Variants in MNDA observed in about 807,000 individuals in gnomAD.
MNDA encodes myeloid cell nuclear differentiation antigen.
Under a neutral mutation model 37.8 loss-of-function variants are expected in MNDA, and 43 were observed. The ratio of observed to expected loss-of-function variants is 1.14; its 90% CI spans 0.89 to 1.47. MNDA has a LOEUF of 1.47. Ranked by LOEUF, MNDA falls within the 40% of genes most tolerant of loss-of-function variation. The pLI is 0.00. For synonymous variants in MNDA, 181 were observed against 169.0 expected (o/e 1.07, Z -0.55); for missense variants, 536 against 476.0 (o/e 1.13, Z -1.17).
At chr1:158,844,166 T>C (rs779895043) in intron 4 of MNDA, 44 bp downstream of exon 4, 3 of 1,439,824 alleles carry the variant, frequency 2.1e-6, no homozygotes, top group Non-Finnish European at 2.8e-6. Context: ...TTTAACCCAG[T>C]CACAGTGCAT....
intron 1 of MNDA, among the ~76,000 whole-genome samples, chr1:158,840,967 C>T (rs1263665265): frequency 6.6e-6 from 1 of 152,016 alleles, no homozygotes; most frequent in African/African-American, 2.4e-5. Context: ...AAAGGAATAC[C>T]TATAAATTTA....
At chr1:158,833,464 G>T (rs76012885) in intron 1 of MNDA, among the ~76,000 whole-genome samples, 1 of 152,130 alleles carries the variant, frequency 6.6e-6, no homozygotes, top group Non-Finnish European at 1.5e-5. Context: ...AACTCTAACC[G>T]TTAACCAACA....
In MNDA at chr1:158,844,008, C is replaced by T. The variant is rs1430795105; in HGVS notation, c.456C>T (p.Ser152=). ...EKTEAKRNKV[S]QEQSKPPGPS... ...CTGAAGCCAAAAGGAATAAGGTGTC[C>T]CAAGAGCAGAGTAAGCCCCCAGGTC... Residue 152 remains serine, a synonymous_variant, in exon 4 of 7, where the codon TCC becomes TCT. Coordinates refer to ENST00000368141, the MANE Select transcript of MNDA (RefSeq NM_002432.3). The T allele has an allele frequency of 1.2e-6, 2 of 1,613,196 alleles. No homozygotes were observed. The highest frequency in any genetic ancestry group is 8.5e-7 in the Non-Finnish European group (1 of 1,179,722).
At chr1:158,832,513 G>T (rs1571648637) in intron 1 of MNDA, among the ~76,000 whole-genome samples, 1 of 151,462 alleles carries the variant, frequency 6.6e-6, no homozygotes, top group South Asian at 2.1e-4. Flanking sequence ...CATAGAATAT[G>T]TATATCTAAG....
Position 158,845,725 on chromosome 1 carries a change from C to G in MNDA, c.709C>G (p.His237Asp), listed in dbSNP as rs777126269. The G allele has an allele frequency of 2.5e-6, 4 of 1,614,016 alleles. No homozygotes were observed. The highest frequency in any genetic ancestry group is 3.4e-6 in the Non-Finnish European group (4 of 1,180,042). The change falls in exon 5 of 7, where the codon CAT becomes GAT. Residue 237 changes from histidine to aspartate, a missense_variant. By Grantham distance (81) the His-to-Asp change is moderately conservative. Coordinates refer to ENST00000368141, the MANE Select transcript of MNDA (RefSeq NM_002432.3). ...AGAAAATGGGAAAAGCACAATGTTTCATGCTACAGTGGCCAGTAAGACTCA... is the reference window on the plus strand; with the variant it reads ...AGAAAATGGGAAAAGCACAATGTTTGATGCTACAGTGGCCAGTAAGACTCA... ...SPENGKSTMFHATVASKTQYF... is the reference protein window; with the variant it reads ...SPENGKSTMFDATVASKTQYF...
intron 3 of MNDA, 67 bp from the exon 4 acceptor site, chr1:158,843,880 TAATGAAAA>T: frequency 7.6e-7 from 1 of 1,317,414 alleles, no homozygotes; most frequent in Non-Finnish European, 1.0e-6. Flanking sequence ...TACTATGTTG[TAATGAAAA>T]AATGAAAACT....
At chr1:158,832,017 C>T (rs1267061220) in intron 1 of MNDA, among the ~76,000 whole-genome samples, 1 of 152,060 alleles carries the variant, frequency 6.6e-6, no homozygotes, top group Non-Finnish European at 1.5e-5. Context: ...ACATTAATTT[C>T]TCAATTTTAC....
intron 6 of MNDA, among the ~76,000 whole-genome samples, chr1:158,848,911 A>G (rs537084590): frequency 6.6e-6 from 1 of 151,530 alleles, no homozygotes; most frequent in African/African-American, 2.4e-5. Context: ...CGAAACTTTT[A>G]AAAAAAAATG....
At chr1:158,841,991 C>T in intron 1 of MNDA, 143 bp from the exon 2 acceptor site, 1 of 639,338 alleles carries the variant, frequency 1.6e-6, no homozygotes, top group Non-Finnish European at 2.7e-6. Context: ...TTCACAGTGA[C>T]ATATCTGGTA....
intron 1 of MNDA, among the ~76,000 whole-genome samples, chr1:158,833,062 C>G (rs990802313): frequency 3.9e-5 from 6 of 152,198 alleles, no homozygotes; most frequent in Admixed American, 1.3e-4. Flanking sequence ...TCTTCTGGTC[C>G]CCCAAACATA....
rs980464829 is a variant in MNDA, at chr1:158,849,222, A to G, written c.1209A>G (p.Pro403=). The G allele has an allele frequency of 6.8e-6, 11 of 1,612,222 alleles. No individual in the cohort carries two copies. The highest frequency in any genetic ancestry group is 9.3e-6 in the Non-Finnish European group (11 of 1,178,848). ...AGGCCAAGAAAAACAAGGAAGGACC[A>G]ATGAATGTTAATTGAAATATGAAAG... is the stretch of plus-strand genomic sequence containing the variant. ...VIKAKKNKEG[P]MNVN Residue 403 remains proline (P), a synonymous_variant, in exon 7 of 7, where the codon CCA becomes CCG. Coordinates refer to ENST00000368141, the MANE Select transcript of MNDA (RefSeq NM_002432.3).
intron 4 of MNDA, among the ~76,000 whole-genome samples, chr1:158,845,106 A>G (rs1558057778): frequency 6.6e-6 from 1 of 152,066 alleles, no homozygotes; most frequent in Non-Finnish European, 1.5e-5. Context: ...CTGTTCAGTA[A>G]TCCCTGTCTA....
intron 1 of MNDA, among the ~76,000 whole-genome samples, chr1:158,833,531 C>T (rs932403160): frequency 1.6e-4 from 25 of 152,146 alleles, no homozygotes; most frequent in African/African-American, 6.0e-4. Flanking sequence ...CCTTCTTTCC[C>T]CATAAATTTA....
intron 1 of MNDA, among the ~76,000 whole-genome samples, chr1:158,841,366 G>T (rs79012980): frequency 0.016 from 2,401 of 152,270 alleles, 49 homozygotes; most frequent in East Asian, 0.12. Flanking sequence ...ATAGAGTCAT[G>T]TCTTTATCCA....
In MNDA at chr1:158,846,004, G is replaced by C; in HGVS notation, c.987+1G>C. ...GTATGGGTTGTTTATGTTACAAAAGGTAAACCCTTAATTTTGTTTTAATTT... is the reference window on the plus strand; with the variant it reads ...GTATGGGTTGTTTATGTTACAAAAGCTAAACCCTTAATTTTGTTTTAATTT... On this transcript the variant is annotated splice_donor_variant, in intron 5 of 6. Transcript: ENST00000368141. LOFTEE classifies it high-confidence loss of function. The C allele has an allele frequency of 6.3e-7, 1 of 1,583,058 alleles. No homozygotes were observed. The highest frequency in any genetic ancestry group is 8.6e-7 in the Non-Finnish European group (1 of 1,166,396).
chr1:158,834,667 C>A (rs936553786), intron 1 of MNDA, among the ~76,000 whole-genome samples: 1 of 151,994 alleles, frequency 6.6e-6, no homozygotes, highest in African/African-American at 2.4e-5. Flanking sequence ...GTTGCCTGTG[C>A]CATCGGTGTC....
intron 1 of MNDA, among the ~76,000 whole-genome samples, chr1:158,839,326 C>G (rs1445866909): frequency 6.6e-6 from 1 of 152,118 alleles, no homozygotes; most frequent in Non-Finnish European, 1.5e-5. Context: ...TTGTAATTCT[C>G]TCATATACAC....
intron 6 of MNDA, 92 bp from the exon 7 acceptor site, chr1:158,849,098 A>G: frequency 1.1e-6 from 1 of 935,090 alleles, no homozygotes; most frequent in Non-Finnish European, 1.6e-6. Context: ...GCCAATGGGA[A>G]GAAAAGATAT....
At chr1:158,836,148 A>T (rs1307308774) in intron 1 of MNDA, among the ~76,000 whole-genome samples, 1 of 152,054 alleles carries the variant, frequency 6.6e-6, no homozygotes, top group East Asian at 1.9e-4. Context: ...TTGTAAAAAA[A>T]AAATGCATCG....
Sources: gnomAD v4.1 joint callset for allele counts (sites outside exome capture counted in the v4.1 genomes callset) on GRCh38, gnomAD v4.1.1 for gene constraint, MANE v1.5 for transcripts, NCBI Gene and HGNC (gene_info 2026-07-23, HGNC 2026-07-21) for gene names.